CNTN5: variants seen among roughly 807,000 people sequenced by gnomAD.
CNTN5 encodes contactin 5, also known as contactin-5.
In CNTN5, 77 loss-of-function variants were observed where a neutral mutation model predicts 129.1. The observed-to-expected ratio is 0.60, with a 90% confidence interval of 0.50 to 0.72. The LOEUF (loss-of-function observed/expected upper bound fraction) is 0.72, where lower values mean the gene tolerates loss of function less well. CNTN5 is among the 30% of genes least tolerant of loss of function. The pLI is 0.00. For missense variants in CNTN5, 1,478 were observed against 1,328.8 expected, an observed-to-expected ratio of 1.11 and a Z score of -1.75; for synonymous variants, 509 against 465.6, an observed-to-expected ratio of 1.09 and a Z score of -1.20.
intron 1 of CNTN5, among the ~76,000 whole-genome samples, chr11:99,057,752 T>C (rs904778913): frequency 6.6e-6 from 1 of 151,394 alleles, no homozygotes; most frequent in Admixed American, 6.6e-5. Context: ...CTGTCAGTCA[T>C]ATATGTAATA....
chr11:99,822,246 A>G (rs373631160), intron 4 of CNTN5, among the ~76,000 whole-genome samples: 7 of 152,214 alleles, frequency 4.6e-5, no homozygotes, highest in African/African-American at 7.2e-5. Context: ...TGGGGAAGCA[A>G]TTCTACTTCC....
rs66468227 is a variant in CNTN5, at chr11:100,127,651, C to CTTTTTT, written c.1580+53376_1580+53381dup. 9.3e-3 allele frequency among the ~76,000 whole-genome samples: 758 copies of CTTTTTT among 81,270 alleles called. 16 individuals carry two copies. The highest frequency in any genetic ancestry group is 0.016 in the African/African-American group (321 of 19,982). 53.3% of individuals were successfully genotyped at this position (81,270 alleles called of 152,430 possible). On this transcript the variant is annotated intron_variant, in intron 13 of 24. Coordinates refer to ENST00000524871, the MANE Select transcript of CNTN5 (RefSeq NM_014361.4). ...ACAGACTTTCTGACTTTCTTTCTTTCTTTTTTTTTTTTTTTTTTTTTTTTG... is the reference window on the plus strand; with the variant it reads ...ACAGACTTTCTGACTTTCTTTCTTTCTTTTTTTTTTTTTTTTTTTTTTTTTTTTTTG...
intron 2 of CNTN5, among the ~76,000 whole-genome samples, chr11:99,377,425 TTATC>T (rs1176152136): frequency 1.3e-5 from 2 of 152,152 alleles, no homozygotes; most frequent in South Asian, 4.1e-4. Flanking sequence ...TCTTTTGTAT[TTATC>T]TTTCTCAAAG....
chr11:99,928,537 A>G (rs1950115661), intron 7 of CNTN5, among the ~76,000 whole-genome samples: 1 of 152,180 alleles, frequency 6.6e-6, no homozygotes, highest in Admixed American at 6.5e-5. Flanking sequence ...CACCACATGG[A>G]AGATGCCAAA....
intron 1 of CNTN5, among the ~76,000 whole-genome samples, chr11:99,042,987 C>T (rs1398964212): frequency 3.3e-5 from 5 of 152,090 alleles, no homozygotes; most frequent in Admixed American, 6.5e-5. Context: ...TTATCTTGAC[C>T]ATTCACCTTC....
chr11:99,400,545 G>A (rs968538323), intron 2 of CNTN5, among the ~76,000 whole-genome samples: 1 of 152,132 alleles, frequency 6.6e-6, no homozygotes, highest in Non-Finnish European at 1.5e-5. Flanking sequence ...AAACATGGGA[G>A]TGCAGATATC....
At chr11:99,208,968 A>G (rs1224849418) in intron 1 of CNTN5, among the ~76,000 whole-genome samples, 1 of 152,158 alleles carries the variant, frequency 6.6e-6, no homozygotes, top group Non-Finnish European at 1.5e-5. Context: ...GTCACAGTGT[A>G]GAATAGAGGC....
chr11:100,315,024 G>T (rs933568223), intron 21 of CNTN5, among the ~76,000 whole-genome samples: 5 of 152,260 alleles, frequency 3.3e-5, no homozygotes, highest in African/African-American at 1.2e-4. Flanking sequence ...AGTCTAGCAA[G>T]GGAGACTATT....
chr11:100,344,469 G>T (rs911817364), intron 23 of CNTN5, among the ~76,000 whole-genome samples: 1 of 152,100 alleles, frequency 6.6e-6, no homozygotes, highest in Admixed American at 6.6e-5. Flanking sequence ...ATAGAGACTG[G>T]TGGTTATCAG....
chr11:99,240,983 G>C (rs1437721661), intron 1 of CNTN5, among the ~76,000 whole-genome samples: 1 of 152,124 alleles, frequency 6.6e-6, no homozygotes, highest in Non-Finnish European at 1.5e-5. Flanking sequence ...TCTTAAGTTA[G>C]TAATTACTCT....
intron 8 of CNTN5, among the ~76,000 whole-genome samples, chr11:99,989,854 C>T (rs767407346): frequency 8.5e-5 from 13 of 152,146 alleles, no homozygotes; most frequent in Admixed American, 3.9e-4. Context: ...CAACCTCCGC[C>T]TCCTGGGTTC....
chr11:99,561,502 G>A (rs1381587078), intron 3 of CNTN5, among the ~76,000 whole-genome samples: 1 of 152,072 alleles, frequency 6.6e-6, no homozygotes, highest in Non-Finnish European at 1.5e-5. Context: ...CTTTTCTTAA[G>A]TATTCGCTGT....
At chr11:100,080,882 A>G (rs1025612890) in intron 13 of CNTN5, among the ~76,000 whole-genome samples, 6 of 152,184 alleles carry the variant, frequency 3.9e-5, no homozygotes, top group African/African-American at 1.2e-4. Context: ...AAATGATTAA[A>G]TGGCATTGTT....
At chr11:100,145,496 G>A (rs956993930) in intron 13 of CNTN5, among the ~76,000 whole-genome samples, 3 of 152,108 alleles carry the variant, frequency 2.0e-5, no homozygotes, top group Non-Finnish European at 4.4e-5. Context: ...CTGAACACAC[G>A]GTTTGTATTT....
intron 1 of CNTN5, among the ~76,000 whole-genome samples, chr11:99,132,951 A>G (rs571234508): frequency 6.6e-6 from 1 of 152,336 alleles, no homozygotes; most frequent in East Asian, 1.9e-4. Flanking sequence ...AAGCCAGGAC[A>G]GTCCTAAGCA....
chr11:100,304,394 T>C (rs1045287110), intron 20 of CNTN5, among the ~76,000 whole-genome samples: 1 of 151,618 alleles, frequency 6.6e-6, no homozygotes, highest in Non-Finnish European at 1.5e-5. Flanking sequence ...GAAAACATAC[T>C]GTGATTTAGA....
chr11:99,102,660 A>G (rs1389872607), intron 1 of CNTN5, among the ~76,000 whole-genome samples: 1 of 152,148 alleles, frequency 6.6e-6, no homozygotes, highest in African/African-American at 2.4e-5. Context: ...TTTCTGTTTG[A>G]GACGAACTCA....
chr11:99,787,090 GT>G (rs35703142), intron 3 of CNTN5, among the ~76,000 whole-genome samples: 122,540 of 148,648 alleles, frequency 0.82, 50,442 homozygotes, highest in Admixed American at 0.88. Flanking sequence ...GAAACTACAT[GT>G]TTTTTTTTTG....
At chr11:99,462,360 C>CTTTTTTTTTTTTTTTTTCTTTT (rs72276833) in intron 2 of CNTN5, among the ~76,000 whole-genome samples, 1 of 125,284 alleles carries the variant, frequency 8.0e-6, no homozygotes. Flanking sequence ...CTTTTCTTTT[C>CTTTTTTTTTTTTTTTTTCTTTT]TTTTTTTTTT....
Sources: gnomAD v4.1 joint callset for allele counts (sites outside exome capture counted in the v4.1 genomes callset) on GRCh38, gnomAD v4.1.1 for gene constraint, MANE v1.5 for transcripts, NCBI Gene and HGNC (gene_info 2026-07-23, HGNC 2026-07-21) for gene names.